COL4A2: variants seen among roughly 807,000 people sequenced by gnomAD.
COL4A2 encodes the protein collagen type IV alpha 2 chain.
A neutral mutation model predicts 200.2 loss-of-function variants in COL4A2; 99 were observed. The observed-to-expected ratio is 0.49, with a 90% CI of 0.42 to 0.58. The LOEUF is 0.58. Among genes scored for constraint, COL4A2 ranks in the 20% least tolerant of loss-of-function variants. The probability of loss-of-function intolerance (pLI) is 0.00; values close to 1 mark genes in which losing one functional copy is unlikely to be tolerated. For missense variants in COL4A2, 1,950 were observed against 2,314.1 expected (o/e 0.84, Z 3.23); for synonymous variants, 897 against 900.6 (o/e 1.00, Z 0.07).
chr13:110,502,858 T>G, intron 41 of COL4A2: 1 of 403,810 alleles, frequency 2.5e-6, no homozygotes, highest in Admixed American at 4.4e-5. Flanking sequence ...CAGATTTCAG[T>G]TTAGGATGAG....
At chr13:110,340,599 G>A (rs1408947793) in intron 3 of COL4A2, among the ~76,000 whole-genome samples, 1 of 152,146 alleles carries the variant, frequency 6.6e-6, no homozygotes, top group Non-Finnish European at 1.5e-5. Flanking sequence ...CTTCTGAAGG[G>A]TACTTCTCCT....
At chr13:110,444,377 T>C (rs968173068) in intron 16 of COL4A2, among the ~76,000 whole-genome samples, 3 of 152,202 alleles carry the variant, frequency 2.0e-5, no homozygotes, top group Non-Finnish European at 4.4e-5. Flanking sequence ...TCCCACTGAG[T>C]GTCCAGCTGC....
chr13:110,411,267 A>C (rs952883051), intron 4 of COL4A2, among the ~76,000 whole-genome samples: 3 of 152,212 alleles, frequency 2.0e-5, no homozygotes, highest in Non-Finnish European at 4.4e-5. Context: ...AATATGCTTA[A>C]ACAGCCAACC....
chr13:110,483,980 A>G (rs1883024286), intron 32 of COL4A2, among the ~76,000 whole-genome samples: 1 of 152,146 alleles, frequency 6.6e-6, no homozygotes, highest in Non-Finnish European at 1.5e-5. Flanking sequence ...AGCTTTTACA[A>G]ATTTTCAGCA....
chr13:110,476,513 G>A (rs1339550384), intron 29 of COL4A2, among the ~76,000 whole-genome samples: 5 of 152,172 alleles, frequency 3.3e-5, no homozygotes, highest in Non-Finnish European at 5.9e-5. Flanking sequence ...CCTGACTCTC[G>A]GTTCTGGGTT....
At chr13:110,406,312 G>A (rs969611325) in intron 4 of COL4A2, among the ~76,000 whole-genome samples, 6 of 152,162 alleles carry the variant, frequency 3.9e-5, no homozygotes, top group Admixed American at 1.3e-4. Context: ...AGAAGTGGGC[G>A]AGGTGTAGGC....
chr13:110,473,283 C>A, intron 29 of COL4A2, 133 bp downstream of exon 29: 1 of 739,278 alleles, frequency 1.4e-6, no homozygotes, highest in Non-Finnish European at 2.1e-6. Flanking sequence ...GTACCTTCTC[C>A]CATGGCCTTC....
At chr13:110,380,635 T>C (rs934244855) in intron 4 of COL4A2, among the ~76,000 whole-genome samples, 25 of 152,148 alleles carry the variant, frequency 1.6e-4, no homozygotes, top group African/African-American at 5.5e-4. Flanking sequence ...GGGCTCTACG[T>C]CACACCCACA....
chr13:110,339,932 AGAACAGTAACACTGTTTACACTGATTG>A (rs1259664227), intron 3 of COL4A2, among the ~76,000 whole-genome samples: 22 of 152,240 alleles, frequency 1.4e-4, no homozygotes, highest in African/African-American at 5.3e-4. Flanking sequence ...AACCCAGTAT[AGAACAGTAACACTGTTTACACTGATTG>A]GAAGGAAGAA....
intron 4 of COL4A2, among the ~76,000 whole-genome samples, chr13:110,397,017 G>T (rs1260806796): frequency 6.6e-6 from 1 of 152,162 alleles, no homozygotes; most frequent in Non-Finnish European, 1.5e-5. Flanking sequence ...TCACGGACAT[G>T]ACTAATAGGA....
chr13:110,509,270 T>TATATACACACAC (rs1435137108), intron 47 of COL4A2, among the ~76,000 whole-genome samples: 76 of 115,566 alleles, frequency 6.6e-4, no homozygotes, highest in African/African-American at 2.6e-3. Flanking sequence ...TATATATATA[T>TATATACACACAC]ACACACACAC....
chr13:110,457,371 AG>A lies in COL4A2; in HGVS notation c.1370del (p.Gly457GlufsTer114). On this transcript the variant is annotated frameshift_variant, in exon 21 of 48. Coordinates refer to ENST00000360467, the MANE Select transcript of COL4A2 (RefSeq NM_001846.4). LOFTEE classifies it high-confidence loss of function. The part of the protein sequence containing the change: ...GFLFGLKGAK[G>X]RAGFPGLPGS... Reference sequence around the variant, plus strand: ...TCCTGTTTGGGCTGAAAGGAGCAAAAGGAAGAGCAGGCTTCCCTGGGCTTCC... The same window carrying A: ...TCCTGTTTGGGCTGAAAGGAGCAAAAGAAGAGCAGGCTTCCCTGGGCTTCC... 6.2e-7 allele frequency: 1 copy of A among 1,613,284 alleles called. No homozygotes were observed. Among genetic ancestry groups the A allele is most frequent in the Non-Finnish European group, 8.5e-7 (1 of 1,179,356 alleles).
In COL4A2 at chr13:110,503,276, GA is replaced by G; in HGVS notation, c.4038del (p.Arg1349GlyfsTer110). On this transcript the variant is annotated frameshift_variant, in exon 42 of 48. Transcript: ENST00000360467. LOFTEE classifies it high-confidence loss of function. ...GCCTGGTGTGTTTGGTCTCCCAGGA[GA>G]AAAAGGTAACAGTGCCCATGGCCAT... Reference protein sequence around the residue: ...GRPGVFGLPGEKGPRGEQGFM... With the variant: ...GRPGVFGLPGXKGPRGEQGFM... 1.9e-6 allele frequency: 3 copies of G among 1,601,820 alleles called. No homozygotes were observed. The highest frequency in any genetic ancestry group is 2.6e-6 in the Non-Finnish European group (3 of 1,175,370).
At chr13:110,406,969 C>G (rs781354793) in intron 4 of COL4A2, among the ~76,000 whole-genome samples, 1 of 152,168 alleles carries the variant, frequency 6.6e-6, no homozygotes, top group Non-Finnish European at 1.5e-5. Context: ...GTCTCCTGCT[C>G]CTGGGGCTCA....
At chr13:110,393,689 G>A (rs570982544) in intron 4 of COL4A2, among the ~76,000 whole-genome samples, 3 of 152,070 alleles carry the variant, frequency 2.0e-5, no homozygotes, top group South Asian at 2.1e-4. Flanking sequence ...GACCAACCTG[G>A]CCAACATGGT....
chr13:110,445,970 GCAT>G, intron 17 of COL4A2, 88 bp downstream of exon 17: 1 of 1,420,000 alleles, frequency 7.0e-7, no homozygotes, highest in Non-Finnish European at 9.9e-7. Flanking sequence ...TCCTGTGGAG[GCAT>G]CCCCTGCCCT....
intron 39 of COL4A2, among the ~76,000 whole-genome samples, chr13:110,494,870 AT>A: frequency 6.6e-6 from 1 of 152,278 alleles, no homozygotes; most frequent in East Asian, 1.9e-4. Flanking sequence ...CTCCTGCGTC[AT>A]TAACACTCCA....
chr13:110,312,629 G>A (rs933823927), intron 3 of COL4A2, among the ~76,000 whole-genome samples: 1 of 152,212 alleles, frequency 6.6e-6, no homozygotes, highest in Admixed American at 6.5e-5. Context: ...GTTTGTCTTT[G>A]ATTAGAGGGT....
intron 38 of COL4A2, 149 bp from the exon 39 acceptor site, chr13:110,493,062 C>T (rs1402104272): frequency 9.2e-6 from 8 of 865,960 alleles, no homozygotes; most frequent in African/African-American, 5.3e-5. Flanking sequence ...GGTGAAATAA[C>T]GATGAGTGAC....
Sources: allele counts gnomAD v4.1 joint callset (sites outside exome capture counted in the v4.1 genomes callset), GRCh38; gene constraint gnomAD v4.1.1; transcripts MANE v1.5; gene names NCBI Gene and HGNC (gene_info 2026-07-23, HGNC 2026-07-21).